Variants in SHANK2 observed in about 807,000 individuals in gnomAD.
SHANK2 encodes SH3 and multiple ankyrin repeat domains 2, also known as SH3 and multiple ankyrin repeat domains protein 2.
A neutral mutation model predicts 133.7 loss-of-function variants in SHANK2; 43 were observed. The observed-to-expected ratio is 0.32, with a 90% CI of 0.25 to 0.41. The LOEUF is 0.41. SHANK2 is among the 10% of genes least tolerant of loss of function. The pLI is 1.00. For synonymous variants in SHANK2, 1,017 were observed against 952.8 expected, an observed-to-expected ratio of 1.07 and a Z score of -1.24; for missense variants, 1,994 against 2,235.8, an observed-to-expected ratio of 0.89 and a Z score of 2.18.
chr11:70,658,774 G>A (rs2134256100), intron 17 of SHANK2, among the ~76,000 whole-genome samples: 1 of 152,322 alleles, frequency 6.6e-6, no homozygotes, highest in South Asian at 2.1e-4. Context: ...CACGGGTGGA[G>A]ATGTGGGCTC....
At chr11:71,164,451 C>A (rs868984881) in intron 2 of SHANK2, among the ~76,000 whole-genome samples, 2 of 152,194 alleles carry the variant, frequency 1.3e-5, no homozygotes, top group African/African-American at 2.4e-5. Context: ...AATAACCCAG[C>A]GGGCCCCAGT....
At chr11:71,215,641 G>A (rs1308423189) in intron 2 of SHANK2, among the ~76,000 whole-genome samples, 2 of 152,176 alleles carry the variant, frequency 1.3e-5, no homozygotes, top group Non-Finnish European at 2.9e-5. Context: ...GCCATCCGTG[G>A]CACAGTGGCT....
chr11:70,624,220 C>G (rs2060872788), intron 17 of SHANK2, among the ~76,000 whole-genome samples: 1 of 152,062 alleles, frequency 6.6e-6, no homozygotes, highest in African/African-American at 2.4e-5. Flanking sequence ...GAGCTGAGGG[C>G]AGAGCTGATG....
intron 2 of SHANK2, among the ~76,000 whole-genome samples, chr11:71,185,976 C>T (rs782816643): frequency 1.1e-4 from 16 of 152,294 alleles, no homozygotes; most frequent in African/African-American, 3.1e-4. Flanking sequence ...TACAATGGTA[C>T]GGTGACACCC....
At chr11:71,219,963 C>G (rs1378902378) in intron 2 of SHANK2, among the ~76,000 whole-genome samples, 2 of 152,012 alleles carry the variant, frequency 1.3e-5, no homozygotes, top group Non-Finnish European at 2.9e-5. Context: ...GTGGCTCACA[C>G]CTGTAATTCT....
chr11:71,227,550 G>A (rs1335885296), intron 1 of SHANK2, among the ~76,000 whole-genome samples: 3 of 151,082 alleles, frequency 2.0e-5, no homozygotes, highest in Non-Finnish European at 4.4e-5. Flanking sequence ...CAACAGAGGA[G>A]CAAAATACAT....
rs183926147 is a variant in SHANK2, at chr11:70,477,500, T to C, written c.4980-4061A>G. 2.6e-5 allele frequency: 4 copies of C among 152,090 alleles called. No homozygotes were observed. The East Asian group carries it at 7.8e-4, about 29-fold the overall frequency. 9.4% of individuals were successfully genotyped at this position (152,090 alleles called of 1,614,324 possible). A position where few individuals can be genotyped will look rare whatever the true frequency, so the allele number is the denominator to read the frequency against. ...AATAACCAGGAAAAAAGAAAGAAAA[T>C]AGTAGCATTGGAGTGAAGTTCGCCT... On this transcript the variant is annotated intron_variant, in intron 25 of 25. Transcript: ENST00000601538.
chr11:71,171,007 C>T (rs1329243324), intron 2 of SHANK2, among the ~76,000 whole-genome samples: 1 of 152,204 alleles, frequency 6.6e-6, no homozygotes, highest in African/African-American at 2.4e-5. Flanking sequence ...GATCAAGGTG[C>T]GGTACAATCA....
At chr11:70,645,779 C>A (rs1396834452) in intron 17 of SHANK2, among the ~76,000 whole-genome samples, 1 of 152,086 alleles carries the variant, frequency 6.6e-6, no homozygotes, top group Non-Finnish European at 1.5e-5. Flanking sequence ...GGCTTTGAGT[C>A]CAGCATCGGG....
Position 70,798,477 on chromosome 11 carries a change from C to G in SHANK2, c.1743G>C (p.Glu581Asp). The G allele has an allele frequency of 1.4e-6, 1 of 718,550 alleles. No homozygotes were observed. The highest frequency in any genetic ancestry group is 2.6e-6 in the Non-Finnish European group (1 of 385,110). The allele number at this position is 718,550 out of a possible 1,614,324, so 44.5% of individuals were successfully genotyped here. A position where few individuals can be genotyped will look rare whatever the true frequency, so the allele number is the denominator to read the frequency against. The change falls in exon 14 of 26, where the codon GAG (glutamate) becomes GAC (aspartate). Residue 581 changes from glutamate (E) to aspartate (D), a missense_variant. Physicochemically the swap from Glu to Asp is conservative, Grantham distance 45. Coordinates refer to ENST00000601538, the MANE Select transcript of SHANK2 (RefSeq NM_012309.5). Reference protein sequence around the residue: ...HIGWFPAECVEEVQCKPRDSQ... With the variant: ...HIGWFPAECVDEVQCKPRDSQ... ...TGTCCCTGGGCTTACACTGGACCTCCTCCACGCACTCCGCCGGAAACCATC... is the reference window on the plus strand; with the variant it reads ...TGTCCCTGGGCTTACACTGGACCTCGTCCACGCACTCCGCCGGAAACCATC...
At chr11:70,749,115 C>T (rs1192601505) in intron 14 of SHANK2, among the ~76,000 whole-genome samples, 1 of 152,202 alleles carries the variant, frequency 6.6e-6, no homozygotes, top group African/African-American at 2.4e-5. Context: ...AGACACACAA[C>T]CATGTGGCAC....
At chr11:70,913,924 C>G (rs782765381) in intron 10 of SHANK2, among the ~76,000 whole-genome samples, 2 of 152,224 alleles carry the variant, frequency 1.3e-5, no homozygotes. Context: ...GGTAATGCTG[C>G]CACACTTCAT....
At chr11:71,234,406 A>ATAAATAAATAAAT (rs1565530389) in intron 1 of SHANK2, among the ~76,000 whole-genome samples, 3 of 127,980 alleles carry the variant, frequency 2.3e-5, no homozygotes, top group African/African-American at 1.1e-4. Flanking sequence ...AATAAATAAC[A>ATAAATAAATAAAT]ACAAAATGTT....
chr11:70,817,612 G>C (rs1306956740), intron 12 of SHANK2, among the ~76,000 whole-genome samples: 2 of 152,314 alleles, frequency 1.3e-5, no homozygotes, highest in South Asian at 2.1e-4. Context: ...TCTGGGTCTT[G>C]GGTTGGACAT....
intron 2 of SHANK2, among the ~76,000 whole-genome samples, chr11:71,152,413 C>T (rs1952815981): frequency 6.6e-6 from 1 of 152,160 alleles, no homozygotes; most frequent in Admixed American, 6.5e-5. Context: ...CGCGCCTGGC[C>T]AGAAATTCAC....
At position 70,473,228 on chromosome 11, in the gene SHANK2, C is replaced by A. The variant is rs782139023; in HGVS notation, c.5191G>T (p.Ala1731Ser). ...TLPAPLSAAT[A>S]SPSPALSDVF... ...TCTGAGAGAGCGGGAGAAGGAGAGG[C>A]GGTGGCAGCAGACAGGGGGGCGGGC... Residue 1731 changes from alanine to serine, a missense_variant, in exon 26 of 26, where the codon GCC becomes TCC. By Grantham distance (99) the Ala-to-Ser change is moderately conservative (BLOSUM62 1). Transcript: ENST00000601538. The surrounding 1 kb of genome is among the most constrained non-coding windows in gnomAD (Gnocchi z 5.9). The A allele has an allele frequency of 6.2e-7, 1 of 1,610,100 alleles. No homozygotes were observed. Among genetic ancestry groups the A allele is most frequent in the Non-Finnish European group, 8.5e-7 (1 of 1,176,798 alleles).
chr11:70,710,167 T>C (rs1591772625), intron 14 of SHANK2, among the ~76,000 whole-genome samples: 2 of 152,148 alleles, frequency 1.3e-5, no homozygotes, highest in Admixed American at 6.5e-5. Flanking sequence ...TCAGTGGCCG[T>C]GGGAAGACAG....
chr11:70,685,849 A>G (rs1555019392), intron 15 of SHANK2, among the ~76,000 whole-genome samples: 1 of 152,118 alleles, frequency 6.6e-6, no homozygotes, highest in African/African-American at 2.4e-5. Context: ...CTGACAATGT[A>G]CCAAGTACTG....
chr11:71,173,219 T>C (rs1953354710), intron 2 of SHANK2, among the ~76,000 whole-genome samples: 1 of 152,280 alleles, frequency 6.6e-6, no homozygotes, highest in Admixed American at 6.5e-5. Context: ...AAGGAAAATC[T>C]GTCTCACCCC....
Sources: gnomAD v4.1 joint callset for allele counts (sites outside exome capture counted in the v4.1 genomes callset) on GRCh38, gnomAD v4.1.1 for gene constraint, Gnocchi (gnomAD v3.1) non-coding constraint, MANE v1.5 for transcripts, NCBI Gene and HGNC (gene_info 2026-07-23, HGNC 2026-07-21) for gene names.